Variants in ASAH1 observed in about 807,000 individuals in gnomAD.
ASAH1 encodes the protein N-acylsphingosine amidohydrolase 1, also known as acid ceramidase.
ASAH1 carries 70 observed loss-of-function variants against 59.5 expected under a neutral mutation model. The ratio of observed to expected loss-of-function variants is 1.18; its 90% CI spans 0.97 to 1.43. The LOEUF is 1.43. Ranked by LOEUF, ASAH1 falls within the 40% of genes most tolerant of loss-of-function variation. The probability of loss-of-function intolerance (pLI) is 0.00; values close to 1 mark genes in which losing one functional copy is unlikely to be tolerated. For synonymous variants in ASAH1, 213 were observed against 166.5 expected, an observed-to-expected ratio of 1.28 and a Z score of -2.15; for missense variants, 660 against 482.5, an observed-to-expected ratio of 1.37 and a Z score of -3.45.
intron 1 of ASAH1, among the ~76,000 whole-genome samples, chr8:18,077,890 T>A (rs150133480): frequency 1.3e-5 from 2 of 152,332 alleles, no homozygotes; most frequent in East Asian, 3.9e-4. Context: ...ATTGTTTTCC[T>A]ATGAGTTGGG....
In ASAH1 at chr8:18,062,868, C is replaced by CT. The variant is rs10562212; in HGVS notation, c.503+316dup. 810 of 181,318 alleles carry CT rather than the reference C, an allele frequency of 4.5e-3. 1 individual carries two copies. The highest frequency in any genetic ancestry group is 0.014 in the East Asian group (101 of 7,464). 11.2% of individuals were successfully genotyped at this position (181,318 alleles called of 1,614,324 possible). A position where few individuals can be genotyped will look rare whatever the true frequency, so the allele number is the denominator to read the frequency against. On this transcript the variant is annotated intron_variant, in intron 7 of 13. Transcript: ENST00000637790. Reference sequence around the variant, plus strand: ...CTACAGACCAAAACAGTTCTGTGTTCTTTTTTTTTTTTTTTTTTTTGAGAT... The same window carrying CT: ...CTACAGACCAAAACAGTTCTGTGTTCTTTTTTTTTTTTTTTTTTTTTGAGAT...
chr8:18,061,837 C>T, intron 8 of ASAH1, 97 bp from the exon 9 acceptor site: 1 of 1,156,842 alleles, frequency 8.6e-7, no homozygotes. Context: ...AAAGGCCTAG[C>T]TTGGGTAATG....
chr8:18,084,570 G>C, upstream of ASAH1: 1 of 1,545,744 alleles, frequency 6.5e-7, no homozygotes, highest in Non-Finnish European at 8.8e-7. Flanking sequence ...GAAATGAGTT[G>C]AGTTATTCAT....
At chr8:18,061,635 C>T in intron 9 of ASAH1, 51 bp downstream of exon 9, 1 of 1,557,548 alleles carries the variant, frequency 6.4e-7, no homozygotes. Flanking sequence ...TCCAGCCTTC[C>T]TCATAAAAAA....
intron 1 of ASAH1, among the ~76,000 whole-genome samples, chr8:18,077,994 A>G (rs1800480744): frequency 6.6e-6 from 1 of 152,200 alleles, no homozygotes; most frequent in Non-Finnish European, 1.5e-5. Context: ...AGAAAGTTAC[A>G]CAGCTGGTGA....
rs374547906 is a variant in ASAH1, at chr8:18,058,908, T to G, written c.1042-17A>C. ...TGAGATATTCTAAAACACAAGAAAA[T>G]AGTTTTGTTCAGTAAGTTAAATACA... is the stretch of plus-strand genomic sequence containing the variant. On this transcript the variant is annotated splice_polypyrimidine_tract_variant and intron_variant, in intron 12 of 13. Coordinates refer to ENST00000637790, the MANE Select transcript of ASAH1 (RefSeq NM_177924.5). The G allele has an allele frequency of 6.2e-7, 1 of 1,607,180 alleles. No homozygotes were observed. Among genetic ancestry groups the G allele is most frequent in the Non-Finnish European group, 8.5e-7 (1 of 1,173,860 alleles).
chr8:18,072,899 C>T (rs1224989934), intron 2 of ASAH1, among the ~76,000 whole-genome samples: 2 of 152,082 alleles, frequency 1.3e-5, no homozygotes, highest in Non-Finnish European at 2.9e-5. Context: ...TCATAACATC[C>T]AACCAATCCC....
In ASAH1 at chr8:18,064,502, C is replaced by A. The variant is rs1588982399; in HGVS notation, c.412G>T (p.Glu138Ter). ...GEIISFNIFY[E>*]LFTICTSIVA... The stretch of plus-strand genomic sequence containing the variant: ...ATTGAAGTACAAATGGTAAATAATT[C>A]ATAAAAAATATTGAATGAAATAATC... Residue 138 changes from glutamate to a stop codon, truncating the protein, a stop_gained, in exon 6 of 14, where the codon GAA becomes TAA. Transcript: ENST00000637790. LOFTEE classifies it high-confidence loss of function. 5 of 1,571,074 alleles carry A rather than the reference C, an allele frequency of 3.2e-6. No individual in the cohort carries two copies. Among genetic ancestry groups the A allele is most frequent in the Non-Finnish European group, 4.4e-6 (5 of 1,144,578 alleles).
chr8:18,060,662 T>G (rs1799654959), intron 10 of ASAH1: 1 of 152,306 alleles, frequency 6.6e-6, no homozygotes, highest in African/African-American at 2.4e-5. Context: ...GCTGGCTGAA[T>G]GAAGGAAAGG....
upstream of ASAH1, chr8:18,084,961 C>G: frequency 2.9e-6 from 3 of 1,019,480 alleles, 1 homozygote; most frequent in South Asian, 4.1e-5. Context: ...GGTTGGATTT[C>G]AAAGTCCAGC....
At chr8:18,058,605 T>A (rs1177077707) in intron 13 of ASAH1, 1 of 550,146 alleles carries the variant, frequency 1.8e-6, no homozygotes, top group East Asian at 3.1e-5. Flanking sequence ...TCAAATGCTA[T>A]GTAAATAAAG....
intron 1 of ASAH1, among the ~76,000 whole-genome samples, chr8:18,076,947 T>G (rs998365731): frequency 4.6e-5 from 7 of 152,262 alleles, no homozygotes; most frequent in African/African-American, 1.7e-4. Flanking sequence ...CTGGTAATTT[T>G]GCGTTGAATT....
rs1045238942 is a variant in ASAH1, at chr8:18,063,122, C to A, written c.503+63G>T. 7 of 1,502,424 alleles carry A rather than the reference C, an allele frequency of 4.7e-6. No homozygotes were observed. In the African/African-American group the frequency reaches 9.7e-5, roughly 21 times the overall value. 93.1% of individuals were successfully genotyped at this position (1,502,424 alleles called of 1,614,324 possible). A position where few individuals can be genotyped will look rare whatever the true frequency, so the allele number is the denominator to read the frequency against. On this transcript the variant is annotated intron_variant, in intron 7 of 13. Transcript: ENST00000637790. Reference sequence around the variant, plus strand: ...TGACCTCGTGATCCACCCGTGTCAGCCTCCCAAAAAGCTGGGATTACAGGC... The same window carrying A: ...TGACCTCGTGATCCACCCGTGTCAGACTCCCAAAAAGCTGGGATTACAGGC...
At chr8:18,066,136 T>A (rs1297031561) in intron 5 of ASAH1, 4 of 151,918 alleles carry the variant, frequency 2.6e-5, no homozygotes, top group Admixed American at 2.6e-4. Flanking sequence ...TATAAGCATA[T>A]ATATATGACT....
At chr8:18,077,877 ACCATTGTTTTCCT>A (rs1228644452) in intron 1 of ASAH1, among the ~76,000 whole-genome samples, 2 of 152,134 alleles carry the variant, frequency 1.3e-5, no homozygotes, top group Non-Finnish European at 2.9e-5. Flanking sequence ...TGTTTATCTG[ACCATTGTTTTCCT>A]ATGAGTTGGG....
chr8:18,083,321 C>T (rs1800740190), intron 1 of ASAH1: 1 of 152,742 alleles, frequency 6.5e-6, no homozygotes, highest in Non-Finnish European at 1.5e-5. Flanking sequence ...AATATTTTCT[C>T]ACTCTAGGTC....
At chr8:18,073,149 G>T in intron 2 of ASAH1, 2 of 1,068,416 alleles carry the variant, frequency 1.9e-6, no homozygotes, top group African/African-American at 1.5e-5. Flanking sequence ...AATGACTAAA[G>T]CTTAGCCATA....
chr8:18,062,096 T>C, intron 8 of ASAH1, 183 bp downstream of exon 8: 1 of 789,320 alleles, frequency 1.3e-6, no homozygotes, highest in Non-Finnish European at 2.0e-6. Context: ...CTCAGAAACC[T>C]CCGTTTCCTT....
chr8:18,084,303 G>C (rs1488844444), upstream of ASAH1: 6 of 1,430,854 alleles, frequency 4.2e-6, no homozygotes, highest in African/African-American at 8.6e-5. Flanking sequence ...AAGGAGAGTC[G>C]CGATCGCCTT....
Sources: allele counts gnomAD v4.1 joint callset (sites outside exome capture counted in the v4.1 genomes callset), GRCh38; gene constraint gnomAD v4.1.1; transcripts MANE v1.5; gene names NCBI Gene and HGNC (gene_info 2026-07-23, HGNC 2026-07-21).